CD300E: variants seen among roughly 807,000 people sequenced by gnomAD.
CD300E encodes CD300e molecule.
A neutral mutation model predicts 20.9 loss-of-function variants in CD300E; 14 were observed. The ratio of observed to expected loss-of-function variants is 0.67; its 90% CI spans 0.44 to 1.05. CD300E has a LOEUF of 1.05. Among genes scored for constraint, CD300E ranks in the 50% least tolerant of loss-of-function variants. The pLI, the probability that CD300E is intolerant of heterozygous loss-of-function variation, is 0.00. For synonymous variants in CD300E, 102 were observed against 103.7 expected (o/e 0.98, Z 0.10); for missense variants, 237 against 253.9 (o/e 0.93, Z 0.45).
Position 74,613,894 on chromosome 17 carries a change from C to A in CD300E, c.497+31G>T, listed in dbSNP as rs143803500. The A allele has an allele frequency of 6.8e-5, 104 of 1,534,964 alleles. No individual in the cohort carries two copies. In the African/African-American group the frequency reaches 1.2e-3, roughly 18 times the overall value. On this transcript the variant is annotated intron_variant, in intron 3 of 3. Transcript: ENST00000392619. ...CCCAGCTTCCACCCCAGGGTTGCTCCCTCCATGGCCTCCAGGCCCTGCGTG... is the reference window on the plus strand; with the variant it reads ...CCCAGCTTCCACCCCAGGGTTGCTCACTCCATGGCCTCCAGGCCCTGCGTG...
intron 1 of CD300E, among the ~76,000 whole-genome samples, chr17:74,617,745 G>A (rs1028737033): frequency 2.0e-5 from 3 of 152,250 alleles, no homozygotes; most frequent in East Asian, 3.9e-4. Context: ...ATCCCACCTC[G>A]TCCTGGGCCC....
intron 1 of CD300E, among the ~76,000 whole-genome samples, chr17:74,619,609 C>CACACACACACACACAT (rs2030976778): frequency 6.7e-6 from 1 of 149,982 alleles, no homozygotes; most frequent in Admixed American, 6.7e-5. Flanking sequence ...TCCTCTCAAT[C>CACACACACACACACAT]ACACACACAC....
At position 74,616,917 on chromosome 17, in the gene CD300E, G is replaced by A. The variant is rs796227316; in HGVS notation, c.388+201C>T. On this transcript the variant is annotated intron_variant, in intron 2 of 3. Transcript: ENST00000392619. ...GCCCAGGCCCTATGGGAGTGATGGC[G>A]CCTGAGCTGTGCACCCCCCAGCCCA... Among the ~76,000 whole-genome samples the A allele has an allele frequency of 2.3e-4, 35 of 152,210 alleles. No homozygotes were observed. Among genetic ancestry groups the A allele is most frequent in the East Asian group, 5.8e-4 (3 of 5,172 alleles).
intron 2 of CD300E, 83 bp downstream of exon 2, chr17:74,617,035 G>T (rs559531253): frequency 1.5e-4 from 170 of 1,167,554 alleles, no homozygotes; most frequent in African/African-American, 1.3e-3. Context: ...AGACTTGGAC[G>T]CACACTTCAG....
intron 1 of CD300E, among the ~76,000 whole-genome samples, chr17:74,621,262 G>A (rs1280464185): frequency 6.6e-6 from 1 of 152,220 alleles, no homozygotes; most frequent in East Asian, 1.9e-4. Context: ...GATTGGGAAG[G>A]AGTGGGTAGA....
At chr17:74,622,324 A>G (rs2031039675) in intron 1 of CD300E, among the ~76,000 whole-genome samples, 1 of 151,852 alleles carries the variant, frequency 6.6e-6, no homozygotes, top group Non-Finnish European at 1.5e-5. Context: ...ATGAGCAAAC[A>G]TTGGTTGAGT....
chr17:74,610,637 T>C lies in CD300E; in HGVS notation c.*2016A>G, dbSNP rs1391804341. 1 of 152,250 alleles carries C rather than the reference T, an allele frequency of 6.6e-6. No individual in the cohort carries two copies. The highest frequency in any genetic ancestry group is 1.5e-5 in the Non-Finnish European group (1 of 68,058). 9.4% of individuals were successfully genotyped at this position (152,250 alleles called of 1,614,324 possible). A position where few individuals can be genotyped will look rare whatever the true frequency, so the allele number is the denominator to read the frequency against. On this transcript the variant is annotated 3_prime_UTR_variant, in exon 4 of 4. Transcript: ENST00000392619. Reference sequence around the variant, plus strand: ...GCACATCTGCAATCCCATCTTGTTCTGCTCAAATCCATCCCACCATAGCTA... The same window carrying C: ...GCACATCTGCAATCCCATCTTGTTCCGCTCAAATCCATCCCACCATAGCTA...
intron 1 of CD300E, 110 bp downstream of exon 1, chr17:74,623,472 C>T: frequency 9.9e-7 from 1 of 1,007,350 alleles, no homozygotes; most frequent in South Asian, 1.5e-5. Flanking sequence ...ACGGATGTAT[C>T]TTTCCCTTTT....
chr17:74,613,851 G>A (rs1340740479), intron 3 of CD300E, 74 bp downstream of exon 3: 8 of 883,008 alleles, frequency 9.1e-6, no homozygotes, highest in South Asian at 1.5e-5. Flanking sequence ...CTCAGGTCAC[G>A]GTGCGCCACC....
chr17:74,617,414 G>T lies in CD300E; in HGVS notation c.92C>A (p.Ser31Tyr). 6.2e-7 allele frequency: 1 copy of T among 1,614,018 alleles called. No individual in the cohort carries two copies. Among genetic ancestry groups the T allele is most frequent in the Non-Finnish European group, 8.5e-7 (1 of 1,180,022 alleles). Residue 31 changes from serine to tyrosine, a missense_variant, in exon 2 of 4, where the codon TCT becomes TAT. Ser to Tyr is a moderately radical substitution (Grantham distance 144, BLOSUM62 -2). Coordinates refer to ENST00000392619, the MANE Select transcript of CD300E (RefSeq NM_181449.3). Reference sequence around the variant, plus strand: ...CTCATACTGACACCACACTGTCAGAGAGTCCCCCGCAGTGCCAGTCACAGA... The same window carrying T: ...CTCATACTGACACCACACTGTCAGATAGTCCCCCGCAGTGCCAGTCACAGA... ...PGSVTGTAGD[S>Y]LTVWCQYESM...
rs61017763 is a variant in CD300E at position 74,614,666 on chromosome 17, G to A, written c.389-633C>T. ...TTTGGCTAATTTTGTATTTTTAGTT[G>A]AGATGGGGTTTCTCCATGTTGATCA... On this transcript the variant is annotated intron_variant, in intron 2 of 3. Coordinates refer to ENST00000392619, the MANE Select transcript of CD300E (RefSeq NM_181449.3). 4.1e-4 allele frequency among the ~76,000 whole-genome samples: 62 copies of A among 152,196 alleles called. 1 individual carries two copies. In the East Asian group the frequency reaches 0.01, roughly 26 times the overall value.
At chr17:74,616,032 C>T (rs1024950816) in intron 2 of CD300E, among the ~76,000 whole-genome samples, 5 of 152,042 alleles carry the variant, frequency 3.3e-5, no homozygotes, top group Non-Finnish European at 7.4e-5. Context: ...TGCAGTAAGC[C>T]GAGATCGCTC....
At chr17:74,617,731 G>T (rs2030936408) in intron 1 of CD300E, among the ~76,000 whole-genome samples, 1 of 152,164 alleles carries the variant, frequency 6.6e-6, no homozygotes, top group Non-Finnish European at 1.5e-5. Context: ...GAGAGGAGCT[G>T]GTCATCCCAC....
rs139797973 is a variant in CD300E, at chr17:74,618,350, T to TGG, written c.41-887_41-886dup. On this transcript the variant is annotated intron_variant, in intron 1 of 3. Transcript: ENST00000392619. ...GTGTATGTGCATGTGCACGTGTGTG[T>TGG]GGGTGTGAGAGAGAGGGAGAGAAAG... is the stretch of plus-strand genomic sequence containing the variant. 6.3e-3 allele frequency among the ~76,000 whole-genome samples: 966 copies of TGG among 152,272 alleles called. 11 individuals are homozygous for TGG. The highest frequency in any genetic ancestry group is 0.022 in the African/African-American group (902 of 41,550).
rs2030811022 is a variant in CD300E at position 74,612,711 on chromosome 17, C to T, written c.560G>A (p.Ser187Asn). The change falls in exon 4 of 4, where the codon AGC becomes AAC. Residue 187 changes from serine (S) to asparagine (N), a missense_variant. Coordinates refer to ENST00000392619, the MANE Select transcript of CD300E (RefSeq NM_181449.3). ...VVLLKLPLLLSMLGAVFWVNR... is the reference protein window; with the variant it reads ...VVLLKLPLLLNMLGAVFWVNR... ...CACCCAGAAGACAGCACCCAGCATG[C>T]TCAGGAGCAGGGGCAGCTTCAGAAG... 1.2e-6 allele frequency: 2 copies of T among 1,613,912 alleles called. No individual in the cohort carries two copies. The highest frequency in any genetic ancestry group is 2.7e-5 in the African/African-American group (2 of 74,902).
At chr17:74,620,262 A>G (rs2030992629) in intron 1 of CD300E, among the ~76,000 whole-genome samples, 1 of 152,202 alleles carries the variant, frequency 6.6e-6, no homozygotes, top group Admixed American at 6.5e-5. Context: ...ACCAGAGGTC[A>G]GGAGTTCGAA....
chr17:74,613,858 C>T (rs926386134), intron 3 of CD300E, 67 bp downstream of exon 3: 21 of 1,022,264 alleles, frequency 2.1e-5, no homozygotes, highest in Non-Finnish European at 2.8e-5. Context: ...CACGGTGCGC[C>T]ACCCCCACCC....
At chr17:74,619,474 A>T (rs2030973863) in intron 1 of CD300E, 2 of 187,358 alleles carry the variant, frequency 1.1e-5, no homozygotes, top group East Asian at 3.3e-4. Flanking sequence ...CAATTGCGTA[A>T]GAGCTGGCCT....
At chr17:74,622,894 C>T (rs927983550) in intron 1 of CD300E, among the ~76,000 whole-genome samples, 5 of 152,126 alleles carry the variant, frequency 3.3e-5, no homozygotes, top group African/African-American at 4.8e-5. Flanking sequence ...TGCATCACCA[C>T]GCCCAGCTAA....
Sources: gnomAD v4.1 joint callset for allele counts (sites outside exome capture counted in the v4.1 genomes callset) on GRCh38, gnomAD v4.1.1 for gene constraint, MANE v1.5 for transcripts, NCBI Gene and HGNC (gene_info 2026-07-23, HGNC 2026-07-21) for gene names.